Variants in MAPT observed in about 807,000 individuals in gnomAD.
MAPT encodes the protein microtubule-associated protein tau.
In MAPT, 34 loss-of-function variants were observed where a neutral mutation model predicts 67.9. The observed-to-expected ratio is 0.50, with a 90% CI of 0.38 to 0.67. MAPT has a LOEUF of 0.67. MAPT is among the 30% of genes least tolerant of loss of function. The pLI, the probability that MAPT is intolerant of heterozygous loss-of-function variation, is 0.00. For missense variants in MAPT, 881 were observed against 1,115.2 expected (o/e 0.79, Z 2.99); for synonymous variants, 456 against 464.5 (o/e 0.98, Z 0.23).
At chr17:45,950,231 A>G (rs2068923706) in intron 1 of MAPT, among the ~76,000 whole-genome samples, 1 of 152,172 alleles carries the variant, frequency 6.6e-6, no homozygotes, top group African/African-American at 2.4e-5. Context: ...AATGGCAGAC[A>G]TGTTCCAAAC....
chr17:45,963,170 G>A (rs1377661723), intron 2 of MAPT, among the ~76,000 whole-genome samples: 1 of 152,138 alleles, frequency 6.6e-6, no homozygotes, highest in African/African-American at 2.4e-5. Flanking sequence ...GCAAGAGTTG[G>A]TTAGCCCTGG....
At chr17:45,898,744 A>G (rs2063431006) in intron 1 of MAPT, 2 of 152,210 alleles carry the variant, frequency 1.3e-5, no homozygotes, top group African/African-American at 4.8e-5. Flanking sequence ...TTGAAAAAGA[A>G]TCACTCAAAA....
intron 1 of MAPT, among the ~76,000 whole-genome samples, chr17:45,904,052 T>TAA (rs1165543407): frequency 4.6e-5 from 1 of 21,922 alleles, no homozygotes; most frequent in Non-Finnish European, 8.9e-5. Context: ...TTTATATATA[T>TAA]TATATATTAT....
At chr17:45,945,081 C>T (rs908629136) in intron 1 of MAPT, among the ~76,000 whole-genome samples, 4 of 152,174 alleles carry the variant, frequency 2.6e-5, no homozygotes, top group Non-Finnish European at 4.4e-5. Context: ...TGGAGCGACT[C>T]CTCCTACATT....
At position 46,026,498 on chromosome 17, in the gene MAPT, G is replaced by A. The variant is rs1408099401; in HGVS notation, c.*2327G>A. The A allele has an allele frequency of 6.6e-6, 1 of 152,190 alleles. No individual in the cohort carries two copies. The highest frequency in any genetic ancestry group is 1.5e-5 in the Non-Finnish European group (1 of 68,078). The allele number at this position is 152,190 out of a possible 1,614,324, so 9.4% of individuals were successfully genotyped here. On this transcript the variant is annotated 3_prime_UTR_variant, in exon 13 of 13. Coordinates refer to ENST00000262410, the MANE Select transcript of MAPT (RefSeq NM_001377265.1). The stretch of plus-strand genomic sequence containing the variant: ...GAGGCTTACAACTCCTGCATCACAA[G>A]AAAAAGGAAGCCACTGCCAGCTGGG...
chr17:45,963,633 A>T (rs2145329548), intron 2 of MAPT, among the ~76,000 whole-genome samples: 1 of 152,320 alleles, frequency 6.6e-6, no homozygotes, highest in South Asian at 2.1e-4. Context: ...TGCTAAAAAT[A>T]AGAAAACACC....
chr17:45,997,924 T>C (rs916990221), intron 9 of MAPT, among the ~76,000 whole-genome samples: 3 of 152,016 alleles, frequency 2.0e-5, no homozygotes, highest in Admixed American at 1.3e-4. Context: ...ACATGTGAAT[T>C]TGCGGGGACC....
chr17:45,952,289 G>A (rs991101979), intron 1 of MAPT, among the ~76,000 whole-genome samples: 2 of 152,122 alleles, frequency 1.3e-5, no homozygotes, highest in South Asian at 4.1e-4. Context: ...GGCAGCAGGG[G>A]TCAGAGATGG....
chr17:46,023,047 C>T (rs1280399415), intron 12 of MAPT, among the ~76,000 whole-genome samples: 1 of 152,236 alleles, frequency 6.6e-6, no homozygotes, highest in African/African-American at 2.4e-5. Context: ...CCAAACTCAT[C>T]AGTCACTGGC....
intron 1 of MAPT, among the ~76,000 whole-genome samples, chr17:45,960,639 A>G (rs1219095220): frequency 6.6e-6 from 1 of 152,198 alleles, no homozygotes. Flanking sequence ...AGAAATAGCA[A>G]AGTACTGTTT....
Position 45,946,615 on chromosome 17 carries a change from AAT to A in MAPT, c.-17-15683_-17-15682del, listed in dbSNP as rs1177094945. The stretch of plus-strand genomic sequence containing the variant: ...CTCTGTCTTAAAAAAAAAAAAAAAA[AAT>A]ATATATATATATATATATATATGTC... On this transcript the variant is annotated intron_variant, in intron 1 of 12. Transcript: ENST00000262410. Among the ~76,000 whole-genome samples the A allele has an allele frequency of 4.8e-3, 486 of 100,368 alleles. 8 individuals are homozygous for A. Among genetic ancestry groups the A allele is most frequent in the African/African-American group, 0.019 (439 of 22,958 alleles). 65.8% of individuals were successfully genotyped at this position (100,368 alleles called of 152,430 possible). A position where few individuals can be genotyped will look rare whatever the true frequency, so the allele number is the denominator to read the frequency against.
intron 1 of MAPT, among the ~76,000 whole-genome samples, chr17:45,921,228 G>A (rs1308630407): frequency 6.6e-6 from 1 of 152,160 alleles, no homozygotes; most frequent in Non-Finnish European, 1.5e-5. Flanking sequence ...TGAAAGCCTG[G>A]TGCAGGGCAG....
intron 1 of MAPT, among the ~76,000 whole-genome samples, chr17:45,953,438 G>T (rs972632865): frequency 6.6e-6 from 1 of 152,194 alleles, no homozygotes; most frequent in East Asian, 1.9e-4. Context: ...TAATCAGAAG[G>T]TCCATGAACC....
At chr17:46,000,720 G>A (rs1042852969) in intron 9 of MAPT, among the ~76,000 whole-genome samples, 2 of 152,052 alleles carry the variant, frequency 1.3e-5, no homozygotes, top group Admixed American at 6.6e-5. Flanking sequence ...CAACCACTGC[G>A]GCCTCCTGTG....
At chr17:45,993,788 C>G (rs1403721094) in intron 8 of MAPT, 6 of 773,176 alleles carry the variant, frequency 7.8e-6, no homozygotes, top group Non-Finnish European at 1.1e-5. Flanking sequence ...AGAGACCCTC[C>G]CCCTTGGGCC....
At chr17:45,941,701 G>T (rs148352337) in intron 1 of MAPT, among the ~76,000 whole-genome samples, 31,083 of 73,076 alleles carry the variant, frequency 0.43, 7,686 homozygotes, top group Middle Eastern at 0.49. Flanking sequence ...CTTCCTTCCT[G>T]CCTGCCTTCC....
At chr17:45,942,437 G>A (rs2068082932) in intron 1 of MAPT, among the ~76,000 whole-genome samples, 1 of 152,222 alleles carries the variant, frequency 6.6e-6, no homozygotes, top group Admixed American at 6.5e-5. Flanking sequence ...CCTGGCCGGA[G>A]GCTGCATCGA....
In MAPT at chr17:46,027,444, GCTCCTTCAAGCTGCTGACTCA is replaced by G. The variant is rs2076857217; in HGVS notation, c.*3276_*3296del. On this transcript the variant is annotated 3_prime_UTR_variant, in exon 13 of 13. Coordinates refer to ENST00000262410, the MANE Select transcript of MAPT (RefSeq NM_001377265.1). ...GCTAGATAGGATATACTGTATGCCG[GCTCCTTCAAGCTGCTGACTCA>G]CTTTATCAATAGTTCCATTTAAATT... The G allele has an allele frequency of 6.6e-6, 1 of 152,468 alleles. No individual in the cohort carries two copies. The highest frequency in any genetic ancestry group is 2.1e-4 in the South Asian group (1 of 4,836). 9.4% of individuals were successfully genotyped at this position (152,468 alleles called of 1,614,324 possible). A position where few individuals can be genotyped will look rare whatever the true frequency, so the allele number is the denominator to read the frequency against.
At chr17:45,922,279 T>C (rs1338938104) in intron 1 of MAPT, among the ~76,000 whole-genome samples, 1 of 152,196 alleles carries the variant, frequency 6.6e-6, no homozygotes, top group East Asian at 1.9e-4. Flanking sequence ...AAAGGCCTTA[T>C]ATTTTGCTCT....
Sources: gnomAD v4.1 joint callset for allele counts (sites outside exome capture counted in the v4.1 genomes callset) on GRCh38, gnomAD v4.1.1 for gene constraint, MANE v1.5 for transcripts, NCBI Gene and HGNC (gene_info 2026-07-23, HGNC 2026-07-21) for gene names.